RUSF1: variants seen among roughly 807,000 people sequenced by gnomAD.
The protein encoded by RUSF1 is RUS family member 1, also known as RUS1 family protein C16orf58.
In RUSF1, 58 loss-of-function variants were observed where a neutral mutation model predicts 63.0. The observed-to-expected ratio is 0.92, with a 90% CI of 0.75 to 1.15. The LOEUF (loss-of-function observed/expected upper bound fraction) is 1.15, where lower values mean the gene tolerates loss of function less well. Ranked by LOEUF, RUSF1 falls within the 50% of genes most tolerant of loss-of-function variation. The pLI is 0.00. For missense variants in RUSF1, 652 were observed against 611.0 expected (o/e 1.07, Z -0.71); for synonymous variants, 274 against 255.8 (o/e 1.07, Z -0.68).
intron 6 of RUSF1, among the ~76,000 whole-genome samples, chr16:31,494,779 A>G (rs1457045262): frequency 6.6e-6 from 1 of 151,544 alleles, no homozygotes; most frequent in Non-Finnish European, 1.5e-5. Flanking sequence ...TGGTGCAATC[A>G]TAACTCACAG....
At chr16:31,504,197 G>A (rs2082646671) in intron 2 of RUSF1, among the ~76,000 whole-genome samples, 1 of 152,004 alleles carries the variant, frequency 6.6e-6, no homozygotes, top group South Asian at 2.1e-4. Flanking sequence ...ACGGCACCTG[G>A]CCTTTCTTTT....
intron 2 of RUSF1, 144 bp from the exon 3 acceptor site, chr16:31,500,875 A>C: frequency 1.3e-6 from 1 of 799,140 alleles, no homozygotes; most frequent in African/African-American, 1.7e-5. Flanking sequence ...GGATAGTCAT[A>C]GCTACATAAT....
At chr16:31,504,470 T>A (rs1567399465) in intron 2 of RUSF1, among the ~76,000 whole-genome samples, 3 of 152,140 alleles carry the variant, frequency 2.0e-5, no homozygotes, top group Admixed American at 2.0e-4. Flanking sequence ...CGTTTTACCA[T>A]GTTGGCTAGG....
In RUSF1 at chr16:31,508,063, A is replaced by G. The variant is rs766077432; in HGVS notation, c.300+11T>C. On this transcript the variant is annotated intron_variant, in intron 1 of 12. Coordinates refer to ENST00000327237, the MANE Select transcript of RUSF1 (RefSeq NM_022744.4). ...CCTGCACTGTCCTCTGCCCCAGACG[A>G]CCGAGCTGACCTGCACGGAATCCCA... 6.3e-7 allele frequency: 1 copy of G among 1,596,312 alleles called. No homozygotes were observed. The highest frequency in any genetic ancestry group is 1.3e-5 in the African/African-American group (1 of 74,214).
intron 2 of RUSF1, among the ~76,000 whole-genome samples, chr16:31,504,534 A>T (rs575908892): frequency 6.6e-6 from 1 of 152,246 alleles, no homozygotes; most frequent in East Asian, 1.9e-4. Context: ...CCCCCATCCC[A>T]AAGTGCTGGG....
chr16:31,498,333 G>A (rs2082614886), intron 5 of RUSF1, among the ~76,000 whole-genome samples: 1 of 152,226 alleles, frequency 6.6e-6, no homozygotes, highest in Non-Finnish European at 1.5e-5. Flanking sequence ...CATAGCTACA[G>A]CCATGCTTTT....
intron 2 of RUSF1, among the ~76,000 whole-genome samples, chr16:31,505,148 T>A (rs886505589): frequency 6.6e-6 from 1 of 152,120 alleles, no homozygotes; most frequent in East Asian, 1.9e-4. Flanking sequence ...AGGAGAGATA[T>A]GCTGGCGGCA....
At chr16:31,493,283 T>C in intron 9 of RUSF1, 184 bp downstream of exon 9, 3 of 911,950 alleles carry the variant, frequency 3.3e-6, no homozygotes, top group Non-Finnish European at 5.3e-6. Context: ...GCACATCTCT[T>C]ACATCTGCTT....
intron 2 of RUSF1, among the ~76,000 whole-genome samples, chr16:31,506,855 C>T (rs953267154): frequency 6.6e-6 from 1 of 151,968 alleles, no homozygotes; most frequent in African/African-American, 2.4e-5. Context: ...TCCCAAAGTA[C>T]GAGGATTAAA....
At chr16:31,507,138 G>A (rs1369733688) in intron 2 of RUSF1, among the ~76,000 whole-genome samples, 1 of 152,212 alleles carries the variant, frequency 6.6e-6, no homozygotes, top group Non-Finnish European at 1.5e-5. Context: ...AGTAGTGAAA[G>A]ACAAAGGACA....
Position 31,489,540 on chromosome 16 carries a change from A to T in RUSF1, c.*1295T>A, listed in dbSNP as rs959979097. The T allele has an allele frequency of 1.6e-6, 1 of 623,494 alleles. No homozygotes were observed. The highest frequency in any genetic ancestry group is 2.9e-6 in the Non-Finnish European group (1 of 350,048). 38.6% of individuals were successfully genotyped at this position (623,494 alleles called of 1,614,324 possible). On this transcript the variant is annotated 3_prime_UTR_variant, in exon 13 of 13. Coordinates refer to ENST00000327237, the MANE Select transcript of RUSF1 (RefSeq NM_022744.4). ...CCGGCCTGGGGGAGGCTTGATGTTG[A>T]TGGGTTGGTGATTAAAGCCTCCCAA...
At chr16:31,495,239 AG>A (rs1340292861) in intron 6 of RUSF1, among the ~76,000 whole-genome samples, 1 of 152,168 alleles carries the variant, frequency 6.6e-6, no homozygotes, top group East Asian at 1.9e-4. Context: ...CTGGGCTCCC[AG>A]GGAGAGCTGG....
At chr16:31,500,877 C>T (rs554743521) in intron 2 of RUSF1, 146 bp from the exon 3 acceptor site, 12 of 777,844 alleles carry the variant, frequency 1.5e-5, no homozygotes, top group Non-Finnish European at 2.4e-5. Flanking sequence ...ATAGTCATAG[C>T]TACATAATGG....
At chr16:31,499,164 G>A in intron 5 of RUSF1, 138 bp downstream of exon 5, 1 of 786,274 alleles carries the variant, frequency 1.3e-6, no homozygotes, top group Non-Finnish European at 2.1e-6. Context: ...GGGTCAGAAA[G>A]GATGGTTGGG....
rs1429297379 is a variant in RUSF1 at position 31,492,035 on chromosome 16, T to C, written c.1283A>G (p.Asp428Gly). Residue 428 changes from aspartate (D) to glycine (G), a missense_variant, in exon 12 of 13, where the codon GAC (aspartate) becomes GGC (glycine). Transcript: ENST00000327237. ...VVVKETHEVL[D>G]MLFPKFLKGL... Reference sequence around the variant, plus strand: ...TTTCAAGAACTTTGGGAACAGCATGTCCAACACTTCGTGTGTCTCCTTGAC... The same window carrying C: ...TTTCAAGAACTTTGGGAACAGCATGCCCAACACTTCGTGTGTCTCCTTGAC... 1.2e-6 allele frequency: 2 copies of C among 1,614,078 alleles called. No homozygotes were observed. Among genetic ancestry groups the C allele is most frequent in the Non-Finnish European group, 1.7e-6 (2 of 1,180,030 alleles).
intron 3 of RUSF1, among the ~76,000 whole-genome samples, chr16:31,500,394 T>G (rs573313072): frequency 6.6e-5 from 10 of 152,318 alleles, no homozygotes; most frequent in African/African-American, 2.4e-4. Context: ...GGCAGGTAAC[T>G]TCCCTCATGC....
chr16:31,492,366 T>C (rs1384205569), intron 10 of RUSF1, 26 bp from the exon 11 acceptor site: 4 of 1,519,260 alleles, frequency 2.6e-6, no homozygotes, highest in Non-Finnish European at 3.5e-6. Context: ...GACAGACTGG[T>C]ATCAGGGAAG....
At position 31,508,316 on chromosome 16, in the gene RUSF1, C is replaced by A; in HGVS notation, c.58G>T (p.Glu20Ter). The A allele has an allele frequency of 6.3e-7, 1 of 1,578,002 alleles. No individual in the cohort carries two copies. Among genetic ancestry groups the A allele is most frequent in the African/African-American group, 1.3e-5 (1 of 74,366 alleles). ...GCGGCGGCGCGGCAGCCCCGTGCCT[C>A]CCCGGAGCCGAACTGCTCGGAACAC... ...PLCSEQFGSG[E>*]ARGCRAAADG... The change falls in exon 1 of 13, where the codon GAG becomes TAG. Residue 20 changes from glutamate (E) to a stop codon, truncating the protein, a stop_gained. Transcript: ENST00000327237. LOFTEE classifies it high-confidence loss of function.
chr16:31,490,963 A>C, intron 12 of RUSF1, 31 bp from the exon 13 acceptor site: 1 of 1,607,842 alleles, frequency 6.2e-7, no homozygotes, highest in Non-Finnish European at 8.5e-7. Flanking sequence ...GCTGCCGGGA[A>C]TGCTGGGGAC....
Sources: allele counts gnomAD v4.1 joint callset (sites outside exome capture counted in the v4.1 genomes callset), GRCh38; gene constraint gnomAD v4.1.1; transcripts MANE v1.5; gene names NCBI Gene and HGNC (gene_info 2026-07-23, HGNC 2026-07-21).